The following RHOJ variants were observed in gnomAD, a reference collection of about 807,000 sequenced individuals.
RHOJ encodes the protein rho-related GTP-binding protein RhoJ.
Under a neutral mutation model 23.4 loss-of-function variants are expected in RHOJ, and 11 were observed. The ratio of observed to expected loss-of-function variants is 0.47; its 90% confidence interval spans 0.30 to 0.78. The LOEUF (loss-of-function observed/expected upper bound fraction) is 0.78. Among genes scored for constraint, RHOJ ranks in the 30% least tolerant of loss-of-function variants. The pLI is 0.08. For missense variants in RHOJ, 254 were observed against 273.4 expected (o/e 0.93, Z 0.50); for synonymous variants, 102 against 102.7 (o/e 0.99, Z 0.04).
At chr14:63,265,066 A>G (rs1203349497) in intron 1 of RHOJ, among the ~76,000 whole-genome samples, 1 of 152,084 alleles carries the variant, frequency 6.6e-6, no homozygotes, top group Non-Finnish European at 1.5e-5. Context: ...TTTGGTTGCA[A>G]TTGCTTTTGA....
chr14:63,255,410 G>T (rs1895145362), intron 1 of RHOJ, among the ~76,000 whole-genome samples: 1 of 152,280 alleles, frequency 6.6e-6, no homozygotes, highest in South Asian at 2.1e-4. Context: ...ACATTTAAGG[G>T]AAGGATGAGA....
intron 1 of RHOJ, among the ~76,000 whole-genome samples, chr14:63,212,549 T>G (rs1208422932): frequency 1.3e-5 from 2 of 152,126 alleles, no homozygotes; most frequent in African/African-American, 4.8e-5. Flanking sequence ...TATCTACCCA[T>G]ATACACAATT....
rs899162945 is a variant in RHOJ at position 63,225,096 on chromosome 14, C to T, written c.178+20049C>T. Among the ~76,000 whole-genome samples, 7 of 151,682 alleles carry T rather than the reference C, an allele frequency of 4.6e-5. 1 individual carries two copies. The highest frequency in any genetic ancestry group is 7.3e-5 in the African/African-American group (3 of 41,344). On this transcript the variant is annotated intron_variant, in intron 1 of 4. Coordinates refer to ENST00000316754, the MANE Select transcript of RHOJ (RefSeq NM_020663.5). ...CCTCCCGAGTAGCTGGGACTACAGG[C>T]GCCCGCCACTACACCCGTCTAATTT...
intron 1 of RHOJ, among the ~76,000 whole-genome samples, chr14:63,259,866 G>A (rs909189776): frequency 3.9e-5 from 6 of 152,088 alleles, no homozygotes; most frequent in Non-Finnish European, 8.8e-5. Context: ...AAAGATAAAT[G>A]AAATAAATAA....
intron 2 of RHOJ, among the ~76,000 whole-genome samples, chr14:63,271,491 C>T (rs141445943): frequency 1.3e-3 from 192 of 152,334 alleles, no homozygotes; most frequent in African/African-American, 4.3e-3. Context: ...GTCAGAATCA[C>T]CTGTAGGGCT....
At chr14:63,236,748 A>AAC (rs59297455) in intron 1 of RHOJ, among the ~76,000 whole-genome samples, 26,719 of 138,276 alleles carry the variant, frequency 0.19, 2,502 homozygotes, top group East Asian at 0.36. Flanking sequence ...AGAGGCTTGA[A>AAC]ACACACACAC....
intron 1 of RHOJ, among the ~76,000 whole-genome samples, chr14:63,232,839 G>A (rs1894721350): frequency 6.6e-6 from 1 of 151,594 alleles, no homozygotes; most frequent in Non-Finnish European, 1.5e-5. Flanking sequence ...TGGGACCATA[G>A]GCATGCACCA....
At chr14:63,256,229 G>T (rs1895162199) in intron 1 of RHOJ, among the ~76,000 whole-genome samples, 1 of 152,094 alleles carries the variant, frequency 6.6e-6, no homozygotes, top group South Asian at 2.1e-4. Flanking sequence ...TGCTTCCATA[G>T]CTCATCCCTG....
chr14:63,218,124 TATA>T (rs1447875075), intron 1 of RHOJ, among the ~76,000 whole-genome samples: 1 of 152,188 alleles, frequency 6.6e-6, no homozygotes, highest in African/African-American at 2.4e-5. Flanking sequence ...TTATCTACAT[TATA>T]ATATCATGTT....
chr14:63,232,919 C>A (rs527599136), intron 1 of RHOJ, among the ~76,000 whole-genome samples: 1 of 152,038 alleles, frequency 6.6e-6, no homozygotes, highest in Non-Finnish European at 1.5e-5. Flanking sequence ...TGGTATCAAA[C>A]TCCTGGACTC....
chr14:63,291,127 C>T lies in RHOJ; in HGVS notation c.*103C>T. On this transcript the variant is annotated 3_prime_UTR_variant, in exon 5 of 5. Coordinates refer to ENST00000316754, the MANE Select transcript of RHOJ (RefSeq NM_020663.5). ...AGGAGGGCACGACCAGAAAGGAACTCCCTTTGCACGGAGGCTTGCCCCATC... is the reference window on the plus strand; with the variant it reads ...AGGAGGGCACGACCAGAAAGGAACTTCCTTTGCACGGAGGCTTGCCCCATC... 1.5e-6 allele frequency: 2 copies of T among 1,353,060 alleles called. No homozygotes were observed. Among genetic ancestry groups the T allele is most frequent in the Non-Finnish European group, 2.1e-6 (2 of 957,584 alleles). 83.8% of individuals were successfully genotyped at this position (1,353,060 alleles called of 1,614,324 possible).
chr14:63,264,200 C>G (rs1895325544), intron 1 of RHOJ, among the ~76,000 whole-genome samples: 2 of 152,236 alleles, frequency 1.3e-5, no homozygotes, highest in East Asian at 3.9e-4. Flanking sequence ...GTAGTCCCCA[C>G]TGTCTATTGT....
At chr14:63,236,748 AACACACACACACACACAC>A (rs59297455) in intron 1 of RHOJ, among the ~76,000 whole-genome samples, 1 of 138,360 alleles carries the variant, frequency 7.2e-6, no homozygotes, top group Non-Finnish European at 1.6e-5. Context: ...AGAGGCTTGA[AACACACACACACACACAC>A]ACACACACAC....
chr14:63,217,053 C>T (rs1022857021), intron 1 of RHOJ, among the ~76,000 whole-genome samples: 1 of 149,738 alleles, frequency 6.7e-6, no homozygotes. Flanking sequence ...AGCTACTTGA[C>T]CTATTCTTTC....
intron 1 of RHOJ, among the ~76,000 whole-genome samples, chr14:63,263,872 T>C (rs529241340): frequency 2.2e-4 from 34 of 152,216 alleles, no homozygotes; most frequent in African/African-American, 8.2e-4. Context: ...TCTTCCCCAG[T>C]GCACCCTGGG....
chr14:63,212,204 G>A (rs762102), intron 1 of RHOJ, among the ~76,000 whole-genome samples: 78,325 of 151,946 alleles, frequency 0.52, 21,747 homozygotes, highest in South Asian at 0.77. Context: ...GACAAACATC[G>A]TTTTCAATCA....
chr14:63,232,947 C>T (rs1459930242), intron 1 of RHOJ, among the ~76,000 whole-genome samples: 2 of 152,020 alleles, frequency 1.3e-5, no homozygotes, highest in African/African-American at 2.4e-5. Flanking sequence ...CCACCTGTCT[C>T]GGCCTCCCAA....
chr14:63,286,282 G>A (rs1882080083), intron 4 of RHOJ, among the ~76,000 whole-genome samples: 1 of 152,198 alleles, frequency 6.6e-6, no homozygotes, highest in African/African-American at 2.4e-5. Flanking sequence ...ACAAAAGCAT[G>A]CCACCTGGAT....
At chr14:63,249,882 G>T (rs980068942) in intron 1 of RHOJ, among the ~76,000 whole-genome samples, 1 of 152,320 alleles carries the variant, frequency 6.6e-6, no homozygotes, top group African/African-American at 2.4e-5. Context: ...GCTCTTAGTA[G>T]AACCACGTTA....
Sources: allele counts gnomAD v4.1 joint callset (sites outside exome capture counted in the v4.1 genomes callset), GRCh38; gene constraint gnomAD v4.1.1; transcripts MANE v1.5; gene names NCBI Gene and HGNC (gene_info 2026-07-23, HGNC 2026-07-21).